LRFN5: variants seen among roughly 807,000 people sequenced by gnomAD.
The protein encoded by LRFN5 is leucine rich repeat and fibronectin type III domain containing 5, also known as leucine-rich repeat and fibronectin type-III domain-containing protein 5.
LRFN5 carries 24 observed loss-of-function variants against 45.6 expected under a neutral mutation model. That is an observed-to-expected ratio of 0.53 (90% CI 0.38 to 0.74). LRFN5 has a LOEUF of 0.74. Among genes scored for constraint, LRFN5 ranks in the 30% least tolerant of loss-of-function variants. The pLI is 0.00. For synonymous variants in LRFN5, 340 were observed against 313.8 expected, an observed-to-expected ratio of 1.08 and a Z score of -0.88; for missense variants, 776 against 861.5, an observed-to-expected ratio of 0.90 and a Z score of 1.24.
At chr14:41,621,337 T>G (rs896860449) in intron 1 of LRFN5, among the ~76,000 whole-genome samples, 18 of 152,128 alleles carry the variant, frequency 1.2e-4, no homozygotes, top group Non-Finnish European at 2.4e-4. Context: ...GTGATTGGTA[T>G]TGTAGGATTA....
intron 2 of LRFN5, among the ~76,000 whole-genome samples, chr14:41,883,507 TGAA>T (rs775631708): frequency 6.6e-6 from 1 of 152,182 alleles, no homozygotes; most frequent in Non-Finnish European, 1.5e-5. Context: ...GGTTTGCTGG[TGAA>T]GAAACTGTTT....
intron 2 of LRFN5, among the ~76,000 whole-genome samples, chr14:41,823,469 T>A (rs1241774): frequency 0.44 from 66,093 of 151,520 alleles, 14,901 homozygotes; most frequent in Non-Finnish European, 0.5. Flanking sequence ...GAAAATAGGA[T>A]CCTAATTTCT....
rs183764068 is a variant in LRFN5 at position 41,844,587 on chromosome 14, A to C, written c.-20-42019A>C. On this transcript the variant is annotated intron_variant, in intron 2 of 5. Coordinates refer to ENST00000298119, the MANE Select transcript of LRFN5 (RefSeq NM_152447.5). Reference sequence around the variant, plus strand: ...TAGTTATATAAATATCACATCTTTTACCACTTTACACTGACACTGATTTCT... The same window carrying C: ...TAGTTATATAAATATCACATCTTTTCCCACTTTACACTGACACTGATTTCT... 3.2e-4 allele frequency among the ~76,000 whole-genome samples: 49 copies of C among 152,338 alleles called. 1 individual carries two copies. The highest frequency in any genetic ancestry group is 1.1e-3 in the African/African-American group (46 of 41,590).
intron 1 of LRFN5, among the ~76,000 whole-genome samples, chr14:41,737,586 G>A (rs1348191668): frequency 1.3e-5 from 2 of 152,104 alleles, no homozygotes; most frequent in African/African-American, 2.4e-5. Flanking sequence ...TGACATGATT[G>A]TATATTTAGA....
intron 1 of LRFN5, among the ~76,000 whole-genome samples, chr14:41,641,176 G>C (rs1024846626): frequency 3.3e-5 from 5 of 152,080 alleles, no homozygotes; most frequent in African/African-American, 1.2e-4. Flanking sequence ...AATTCCCGGA[G>C]ACAGGAAGAT....
intron 1 of LRFN5, among the ~76,000 whole-genome samples, chr14:41,759,490 CACACACACAG>C (rs60463090): frequency 0.14 from 11,566 of 82,056 alleles, 718 homozygotes; most frequent in East Asian, 0.38. Context: ...CACACACACA[CACACACACAG>C]AGAGAGCACC....
At chr14:41,704,448 C>CTGTGTGTGTGTGTG (rs59129586) in intron 1 of LRFN5, among the ~76,000 whole-genome samples, 16 of 124,240 alleles carry the variant, frequency 1.3e-4, no homozygotes, top group African/African-American at 6.2e-4. Context: ...CTCTCTCTCT[C>CTGTGTGTGTGTGTG]TGTGTGTGTG....
intron 1 of LRFN5, among the ~76,000 whole-genome samples, chr14:41,717,955 A>G (rs1883557936): frequency 6.6e-6 from 1 of 152,154 alleles, no homozygotes; most frequent in Non-Finnish European, 1.5e-5. Flanking sequence ...ATGGAATATA[A>G]GTATGCTTCT....
chr14:41,683,086 A>C (rs2138689483), intron 1 of LRFN5, among the ~76,000 whole-genome samples: 1 of 152,294 alleles, frequency 6.6e-6, no homozygotes, highest in South Asian at 2.1e-4. Flanking sequence ...CATTTTAGCA[A>C]ATCAAATTCA....
At chr14:41,870,742 C>CT (rs1242767780) in intron 2 of LRFN5, among the ~76,000 whole-genome samples, 7 of 152,046 alleles carry the variant, frequency 4.6e-5, no homozygotes, top group East Asian at 1.9e-4. Flanking sequence ...TACAAACTGC[C>CT]TTTTTTTACT....
intron 2 of LRFN5, among the ~76,000 whole-genome samples, chr14:41,790,418 G>A (rs1158078506): frequency 6.6e-6 from 1 of 151,552 alleles, no homozygotes; most frequent in Non-Finnish European, 1.5e-5. Flanking sequence ...TCTCTGGTAT[G>A]TTTGTTTTCT....
chr14:41,687,142 T>A (rs1882158525), intron 1 of LRFN5, among the ~76,000 whole-genome samples: 1 of 151,944 alleles, frequency 6.6e-6, no homozygotes, highest in Non-Finnish European at 1.5e-5. Flanking sequence ...GGCTTAAACA[T>A]ATTTACAATA....
intron 2 of LRFN5, among the ~76,000 whole-genome samples, chr14:41,852,038 G>T (rs1392394728): frequency 6.6e-6 from 1 of 151,548 alleles, no homozygotes; most frequent in Non-Finnish European, 1.5e-5. Context: ...GTCCAGCTTA[G>T]TTCACATGGC....
chr14:41,686,389 A>G (rs1297499881), intron 1 of LRFN5, among the ~76,000 whole-genome samples: 1 of 152,050 alleles, frequency 6.6e-6, no homozygotes, highest in African/African-American at 2.4e-5. Flanking sequence ...GGTTTTCTAA[A>G]TATAAAATAT....
At chr14:41,766,313 A>C (rs556001435) in intron 1 of LRFN5, among the ~76,000 whole-genome samples, 1 of 152,178 alleles carries the variant, frequency 6.6e-6, no homozygotes, top group Non-Finnish European at 1.5e-5. Flanking sequence ...CTTCTGACAT[A>C]AAGTTAAAAA....
At chr14:41,864,943 A>T (rs938240460) in intron 2 of LRFN5, among the ~76,000 whole-genome samples, 10 of 151,976 alleles carry the variant, frequency 6.6e-5, no homozygotes, top group Admixed American at 1.3e-4. Context: ...TTACAAGATG[A>T]CTTAGTTAAT....
At chr14:41,884,370 CTTTA>C (rs1890490983) in intron 2 of LRFN5, among the ~76,000 whole-genome samples, 1 of 152,146 alleles carries the variant, frequency 6.6e-6, no homozygotes, top group East Asian at 1.9e-4. Context: ...AAGATTCTAT[CTTTA>C]TTTGTTGATA....
At chr14:41,613,579 G>A (rs1887833546) in intron 1 of LRFN5, among the ~76,000 whole-genome samples, 1 of 151,572 alleles carries the variant, frequency 6.6e-6, no homozygotes, top group Admixed American at 6.6e-5. Context: ...TATAATCCTT[G>A]TGGAAAACAA....
chr14:41,864,466 T>C (rs1052893170), intron 2 of LRFN5, among the ~76,000 whole-genome samples: 2 of 152,220 alleles, frequency 1.3e-5, no homozygotes, highest in Non-Finnish European at 2.9e-5. Flanking sequence ...TACATAAATG[T>C]CTTCTTTGAG....
Sources: gnomAD v4.1 joint callset for allele counts (sites outside exome capture counted in the v4.1 genomes callset) on GRCh38, gnomAD v4.1.1 for gene constraint, MANE v1.5 for transcripts, NCBI Gene and HGNC (gene_info 2026-07-23, HGNC 2026-07-21) for gene names.